Variants in ESR1 observed in about 807,000 individuals in gnomAD.
The protein encoded by ESR1 is estrogen receptor 1.
Under a neutral mutation model 52.7 loss-of-function variants are expected in ESR1, and 12 were observed. The observed-to-expected ratio is 0.23, with a 90% CI of 0.15 to 0.37. The LOEUF is 0.37. Among genes scored for constraint, ESR1 ranks in the 10% least tolerant of loss-of-function variants. ESR1 has a pLI of 1.00. For synonymous variants in ESR1, 305 were observed against 316.8 expected, an observed-to-expected ratio of 0.96 and a Z score of 0.39; for missense variants, 584 against 779.7, an observed-to-expected ratio of 0.75 and a Z score of 2.99.
At chr6:151,705,392 T>C (rs774619310) in intron 2 of ESR1, among the ~76,000 whole-genome samples, 36 of 152,124 alleles carry the variant, frequency 2.4e-4, no homozygotes, top group Admixed American at 1.8e-3. Flanking sequence ...GGGTTAATGA[T>C]CTATATCATT....
At chr6:152,120,588 G>A (rs1298152711) in intron 6 of ESR1, among the ~76,000 whole-genome samples, 1 of 152,144 alleles carries the variant, frequency 6.6e-6, no homozygotes, top group African/African-American at 2.4e-5. Flanking sequence ...TCAAGAAGGA[G>A]GTGGCTTGTG....
At chr6:151,988,189 A>C (rs371244760) in intron 4 of ESR1, among the ~76,000 whole-genome samples, 1 of 152,122 alleles carries the variant, frequency 6.6e-6, no homozygotes, top group Non-Finnish European at 1.5e-5. Flanking sequence ...ACAACTTACC[A>C]TAACATAGAA....
upstream of ESR1, among the ~76,000 whole-genome samples, chr6:151,686,794 G>C (rs1778706882): frequency 6.6e-6 from 1 of 152,156 alleles, no homozygotes; most frequent in South Asian, 2.1e-4. Flanking sequence ...ACACTATTCT[G>C]ATGGGAAAGA....
intron 3 of ESR1, among the ~76,000 whole-genome samples, chr6:151,891,965 C>G (rs1794760215): frequency 6.6e-6 from 1 of 151,948 alleles, no homozygotes; most frequent in South Asian, 2.1e-4. Flanking sequence ...TTAAAAGGGG[C>G]ATTTTTATCT....
intron 6 of ESR1, among the ~76,000 whole-genome samples, chr6:152,090,357 G>T (rs964875856): frequency 6.6e-6 from 1 of 152,154 alleles, no homozygotes; most frequent in South Asian, 2.1e-4. Context: ...ATCAAGATGC[G>T]ATAGAATGAA....
At chr6:151,765,217 T>C (rs75407136) in intron 2 of ESR1, among the ~76,000 whole-genome samples, 3,190 of 152,314 alleles carry the variant, frequency 0.021, 107 homozygotes, top group African/African-American at 0.074. Context: ...ATTCAGATGC[T>C]ACATTTTTAT....
intron 4 of ESR1, among the ~76,000 whole-genome samples, chr6:151,964,711 C>T (rs938260167): frequency 2.6e-5 from 4 of 151,538 alleles, no homozygotes; most frequent in Admixed American, 1.3e-4. Flanking sequence ...GTGCGATCTC[C>T]ACTCACTGCA....
intron 3 of ESR1, among the ~76,000 whole-genome samples, chr6:151,943,364 A>G (rs1257014483): frequency 2.0e-5 from 3 of 151,486 alleles, no homozygotes; most frequent in Admixed American, 1.3e-4. Context: ...TGGGTGACAC[A>G]GCGAGACTCC....
chr6:151,935,439 A>C (rs2034244437), intron 3 of ESR1, among the ~76,000 whole-genome samples: 1 of 152,034 alleles, frequency 6.6e-6, no homozygotes, highest in African/African-American at 2.4e-5. Flanking sequence ...CACTGCCTTC[A>C]CTCCTGGACT....
chr6:152,048,252 G>A (rs1259256459), intron 5 of ESR1, among the ~76,000 whole-genome samples: 1 of 150,884 alleles, frequency 6.6e-6, no homozygotes, highest in Non-Finnish European at 1.5e-5. Context: ...TGTGCCTGAA[G>A]TCCCAGTTAC....
chr6:151,895,986 C>T (rs113447312), intron 3 of ESR1, among the ~76,000 whole-genome samples: 4,495 of 152,162 alleles, frequency 0.03, 212 homozygotes, highest in African/African-American at 0.1. Context: ...GATAGGGTTT[C>T]GCTATGTTGG....
chr6:151,818,696 C>G (rs1780056574), intron 1 of ESR1, among the ~76,000 whole-genome samples: 1 of 152,088 alleles, frequency 6.6e-6, no homozygotes, highest in African/African-American at 2.4e-5. Flanking sequence ...GGTCAGTTTT[C>G]TCTTATTGCT....
intron 2 of ESR1, among the ~76,000 whole-genome samples, chr6:151,707,388 CAT>C (rs1380924334): frequency 6.6e-6 from 1 of 151,860 alleles, no homozygotes; most frequent in Non-Finnish European, 1.5e-5. Flanking sequence ...AATTAAAAAA[CAT>C]AAAATATTCC....
upstream of ESR1, chr6:151,805,937 T>C (rs541824779): frequency 6.6e-6 from 1 of 152,254 alleles, no homozygotes; most frequent in South Asian, 2.1e-4. Context: ...TCCATGGGGG[T>C]ATGTGTGTGT....
chr6:151,729,385 C>T (rs1403387179), intron 2 of ESR1, among the ~76,000 whole-genome samples: 6 of 152,152 alleles, frequency 3.9e-5, no homozygotes, highest in Admixed American at 6.5e-5. Context: ...TTTGTTTTAG[C>T]AGGCTGAATG....
intron 1 of ESR1, among the ~76,000 whole-genome samples, chr6:151,828,135 G>A (rs1002654306): frequency 1.9e-4 from 29 of 152,286 alleles, no homozygotes; most frequent in Middle Eastern, 3.4e-3. Flanking sequence ...ACTTTGTGCA[G>A]GTAACTAGGC....
At position 151,880,175 on chromosome 6, in the gene ESR1, T is replaced by A. The variant is rs141727617; in HGVS notation, c.644-480T>A. On this transcript the variant is annotated intron_variant, in intron 2 of 7. Transcript: ENST00000206249. ...GAAATTAAGTCCACGGGAGGTTTTT[T>A]GTTCTGTTTTTTTTTTTTTTTTTTT... 4.0e-3 allele frequency among the ~76,000 whole-genome samples: 469 copies of A among 117,304 alleles called. 3 individuals carry two copies. Among genetic ancestry groups the A allele is most frequent in the African/African-American group, 0.014 (447 of 32,736 alleles). The allele number at this position is 117,304 out of a possible 152,430, so 77.0% of individuals were successfully genotyped here.
At chr6:151,746,884 C>G (rs949599518) in intron 2 of ESR1, among the ~76,000 whole-genome samples, 1 of 152,206 alleles carries the variant, frequency 6.6e-6, no homozygotes, top group Admixed American at 6.5e-5. Context: ...CCAGATTTTT[C>G]ATCTGTAAAA....
chr6:151,894,907 T>G (rs1795241542), intron 3 of ESR1, among the ~76,000 whole-genome samples: 2 of 152,206 alleles, frequency 1.3e-5, no homozygotes, highest in Admixed American at 6.5e-5. Flanking sequence ...AGGATTTTTT[T>G]TCTAGTTCTG....
Sources: gnomAD v4.1 joint callset for allele counts (sites outside exome capture counted in the v4.1 genomes callset) on GRCh38, gnomAD v4.1.1 for gene constraint, MANE v1.5 for transcripts, NCBI Gene and HGNC (gene_info 2026-07-23, HGNC 2026-07-21) for gene names.